CASP6: variants seen among roughly 807,000 people sequenced by gnomAD.
CASP6 encodes the protein caspase-6.
Under a neutral mutation model 31.8 loss-of-function variants are expected in CASP6, and 20 were observed. The observed-to-expected ratio is 0.63, with a 90% CI of 0.44 to 0.91. The LOEUF (loss-of-function observed/expected upper bound fraction) is 0.91, where lower values mean the gene tolerates loss of function less well. Ranked by LOEUF, CASP6 falls within the 40% of genes least tolerant of loss-of-function variation. The pLI, the probability that CASP6 is intolerant of heterozygous loss-of-function variation, is 0.00. For synonymous variants in CASP6, 130 were observed against 127.8 expected (o/e 1.02, Z -0.12); for missense variants, 328 against 361.1 (o/e 0.91, Z 0.74).
At chr4:109,684,116 G>A (rs1264605835), downstream of CASP6, among the ~76,000 whole-genome samples, 1 of 143,192 alleles carries the variant, frequency 7.0e-6, no homozygotes, top group African/African-American at 2.9e-5. Flanking sequence ...AGGCTGGAGT[G>A]CAGTGGAGTG....
chr4:109,703,193 A>G (rs1010525685), intron 1 of CASP6, among the ~76,000 whole-genome samples, 163 bp downstream of exon 1: 44 of 152,080 alleles, frequency 2.9e-4, no homozygotes, highest in African/African-American at 1.1e-3. Flanking sequence ...ACCCGCCCTG[A>G]GCGCTTCAAT....
upstream of CASP6, chr4:109,703,545 C>A (rs1344855349): frequency 2.0e-6 from 2 of 999,460 alleles, no homozygotes; most frequent in South Asian, 1.6e-5. Flanking sequence ...GCCGCCCGGG[C>A]TCCCGTGGAT....
the CASP6 span, among the ~76,000 whole-genome samples, chr4:109,677,708 T>C: frequency 6.6e-6 from 1 of 151,982 alleles, no homozygotes; most frequent in Non-Finnish European, 1.5e-5. Context: ...TGCTACATTA[T>C]GATGCAGCAA....
chr4:109,678,417 G>A, the CASP6 span, among the ~76,000 whole-genome samples: 7,803 of 146,122 alleles, frequency 0.053, 542 homozygotes, highest in African/African-American at 0.16. Context: ...AGGCAGAGGC[G>A]CTCCTCACTT....
chr4:109,686,989 G>A (rs1396238657), downstream of CASP6, among the ~76,000 whole-genome samples: 1 of 151,600 alleles, frequency 6.6e-6, no homozygotes, highest in Non-Finnish European at 1.5e-5. Flanking sequence ...ATATTAAGTG[G>A]AAAACCATTA....
At chr4:109,674,159 T>G in the CASP6 span, 2 of 1,009,622 alleles carry the variant, frequency 2.0e-6, no homozygotes, top group Middle Eastern at 3.0e-4. Flanking sequence ...GGAGCTTGCT[T>G]TAGTTAGACG....
At chr4:109,687,554 T>C (rs749880413), downstream of CASP6, 4 of 1,613,006 alleles carry the variant, frequency 2.5e-6, no homozygotes. Flanking sequence ...TTCTCTCTGT[T>C]TGCAAATGCA....
intron 5 of CASP6, chr4:109,692,383 A>G (rs987083209): frequency 1.6e-4 from 24 of 152,142 alleles, no homozygotes; most frequent in Admixed American, 1.5e-3. Flanking sequence ...TGCCCACACA[A>G]CCACCCCATG....
the CASP6 span, among the ~76,000 whole-genome samples, chr4:109,669,046 G>A: frequency 2.0e-4 from 30 of 152,042 alleles, no homozygotes; most frequent in South Asian, 2.1e-3. Flanking sequence ...CTTTTGAACC[G>A]ACTGTTATCT....
chr4:109,698,193 C>T (rs1730310507), intron 2 of CASP6, 107 bp downstream of exon 2: 1 of 1,221,592 alleles, frequency 8.2e-7, no homozygotes, highest in African/African-American at 1.5e-5. Context: ...ACTTGGCCTA[C>T]TCAGTTTTAC....
At chr4:109,683,350 G>A in the CASP6 span, among the ~76,000 whole-genome samples, 1 of 152,220 alleles carries the variant, frequency 6.6e-6, no homozygotes. Context: ...TTCTGGAGAT[G>A]TAAGGAAGTT....
the CASP6 span, among the ~76,000 whole-genome samples, chr4:109,677,895 G>A: frequency 7.0e-6 from 1 of 143,560 alleles, no homozygotes; most frequent in Admixed American, 7.1e-5. Flanking sequence ...TAGGATAATA[G>A]TGGAGAGAAG....
At chr4:109,696,377 G>A in intron 4 of CASP6, 33 bp downstream of exon 4, 2 of 1,473,722 alleles carry the variant, frequency 1.4e-6, no homozygotes, top group African/African-American at 1.4e-5. Context: ...TTCATTAGAG[G>A]AAGATGAACT....
chr4:109,685,570 A>C (rs17040741), downstream of CASP6, among the ~76,000 whole-genome samples: 1,239 of 152,314 alleles, frequency 8.1e-3, 19 homozygotes, highest in African/African-American at 0.028. Flanking sequence ...AGATAGCTTT[A>C]AATATGTGTG....
chr4:109,675,590 C>T, the CASP6 span, among the ~76,000 whole-genome samples: 1 of 152,340 alleles, frequency 6.6e-6, no homozygotes, highest in African/African-American at 2.4e-5. Flanking sequence ...AGCCATACAA[C>T]CTCATCTTTA....
At chr4:109,693,884 A>G (rs1389615406) in intron 5 of CASP6, among the ~76,000 whole-genome samples, 1 of 151,584 alleles carries the variant, frequency 6.6e-6, no homozygotes, top group East Asian at 2.0e-4. Context: ...GATTACAGGC[A>G]CCTGCCACCA....
Position 109,690,942 on chromosome 4 carries a change from TTCTC to T in CASP6, c.547_550del (p.Glu183SerfsTer6). On this transcript the variant is annotated frameshift_variant, in exon 6 of 7. Transcript: ENST00000265164. LOFTEE classifies it high-confidence loss of function. ...CACCTCAGTTATGTTGGTGTCCAAC[TTCTC>T]TGTCTGATTATCTACTACATCCAAA... 1.2e-6 allele frequency: 2 copies of T among 1,614,016 alleles called. No homozygotes were observed. Among genetic ancestry groups the T allele is most frequent in the Non-Finnish European group, 1.7e-6 (2 of 1,179,936 alleles).
chr4:109,674,751 A>G, the CASP6 span, among the ~76,000 whole-genome samples: 1 of 152,250 alleles, frequency 6.6e-6, no homozygotes, highest in Non-Finnish European at 1.5e-5. Flanking sequence ...GTAATTGCAA[A>G]TTATATTTTT....
At chr4:109,683,901 T>C (rs1300672208), downstream of CASP6, among the ~76,000 whole-genome samples, 3 of 152,206 alleles carry the variant, frequency 2.0e-5, no homozygotes, top group Non-Finnish European at 4.4e-5. Flanking sequence ...TACTATTCAT[T>C]TTTCCAAGGG....
Sources: allele counts gnomAD v4.1 joint callset (sites outside exome capture counted in the v4.1 genomes callset), GRCh38; gene constraint gnomAD v4.1.1; transcripts MANE v1.5; gene names NCBI Gene and HGNC (gene_info 2026-07-23, HGNC 2026-07-21).